The following TMEM26 variants were observed in gnomAD, a reference collection of about 807,000 sequenced individuals.
The protein encoded by TMEM26 is transmembrane protein 26.
Under a neutral mutation model 28.8 loss-of-function variants are expected in TMEM26, and 38 were observed. The observed-to-expected ratio is 1.32, with a 90% CI of 1.02 to 1.73. The LOEUF is 1.73. Ranked by LOEUF, TMEM26 falls within the 40% of genes most tolerant of loss-of-function variation. The pLI, the probability that TMEM26 is intolerant of heterozygous loss-of-function variation, is 0.00. For missense variants in TMEM26, 518 were observed against 447.1 expected (o/e 1.16, Z -1.43); for synonymous variants, 227 against 182.9 (o/e 1.24, Z -1.95).
At chr10:61,414,052 T>C in intron 4 of TMEM26, 1 of 987,054 alleles carries the variant, frequency 1.0e-6, no homozygotes, top group Non-Finnish European at 1.2e-6. Flanking sequence ...AACAAAGATT[T>C]ATACCAGATA....
intron 1 of TMEM26, among the ~76,000 whole-genome samples, chr10:61,451,626 A>C (rs1231110579): frequency 6.6e-6 from 1 of 152,188 alleles, no homozygotes; most frequent in Non-Finnish European, 1.5e-5. Flanking sequence ...AAAGTACCTC[A>C]AATGTCTCAC....
At chr10:61,411,282 A>AG (rs1282502939) in intron 5 of TMEM26, among the ~76,000 whole-genome samples, 22 of 152,166 alleles carry the variant, frequency 1.4e-4, no homozygotes, top group African/African-American at 4.8e-4. Context: ...CAGTGAGGAG[A>AG]GGGGTCCCTA....
At chr10:61,446,449 G>A (rs1840181710) in intron 1 of TMEM26, among the ~76,000 whole-genome samples, 1 of 152,014 alleles carries the variant, frequency 6.6e-6, no homozygotes, top group Admixed American at 6.6e-5. Flanking sequence ...AAAACTTTTG[G>A]TTTCCTAGTC....
At chr10:61,422,033 T>A (rs1013598792) in intron 4 of TMEM26, among the ~76,000 whole-genome samples, 3 of 152,050 alleles carry the variant, frequency 2.0e-5, no homozygotes, top group Admixed American at 6.6e-5. Flanking sequence ...GGAGACAAAA[T>A]TGACTTTCAG....
chr10:61,450,810 C>T (rs1840265553), intron 1 of TMEM26, among the ~76,000 whole-genome samples: 1 of 151,992 alleles, frequency 6.6e-6, no homozygotes, highest in Non-Finnish European at 1.5e-5. Context: ...GGTTTATTGG[C>T]TAGTCACTCA....
chr10:61,418,311 C>A (rs769472783), intron 4 of TMEM26, among the ~76,000 whole-genome samples: 11 of 151,874 alleles, frequency 7.2e-5, no homozygotes, highest in Non-Finnish European at 1.3e-4. Context: ...AGGATCCTAC[C>A]CTCTCACAGA....
intron 4 of TMEM26, chr10:61,414,340 T>C (rs1267602819): frequency 6.6e-6 from 1 of 152,194 alleles, no homozygotes; most frequent in Non-Finnish European, 1.5e-5. Context: ...AATTTGAGCT[T>C]GGTAGCATAA....
At chr10:61,451,993 A>ATG (rs1439770216) in intron 1 of TMEM26, among the ~76,000 whole-genome samples, 1 of 150,994 alleles carries the variant, frequency 6.6e-6, no homozygotes, top group Non-Finnish European at 1.5e-5. Context: ...ATTGATATAT[A>ATG]TATATATATA....
chr10:61,431,098 A>T (rs905560934), intron 3 of TMEM26, 121 bp downstream of exon 3: 2 of 753,876 alleles, frequency 2.7e-6, no homozygotes. Context: ...TTCCTAAGCC[A>T]AACAATGGAT....
intron 4 of TMEM26, among the ~76,000 whole-genome samples, chr10:61,417,218 C>T (rs2135291559): frequency 6.6e-6 from 1 of 152,018 alleles, no homozygotes; most frequent in South Asian, 2.1e-4. Flanking sequence ...AGCATGTAAG[C>T]AGACAATGAC....
intron 4 of TMEM26, among the ~76,000 whole-genome samples, chr10:61,421,738 T>C (rs1839751690): frequency 6.6e-6 from 1 of 152,122 alleles, no homozygotes. Flanking sequence ...GGAACCAGCA[T>C]CTTGGTTTTG....
chr10:61,422,219 A>C (rs954463612), intron 4 of TMEM26, among the ~76,000 whole-genome samples: 3 of 152,132 alleles, frequency 2.0e-5, no homozygotes, highest in Admixed American at 6.6e-5. Context: ...GAAAGATTTC[A>C]GTGTTCTACT....
At chr10:61,434,456 A>G (rs1839971204) in intron 2 of TMEM26, among the ~76,000 whole-genome samples, 1 of 152,220 alleles carries the variant, frequency 6.6e-6, no homozygotes, top group African/African-American at 2.4e-5. Flanking sequence ...TATGACAGCC[A>G]TGTCATAGAA....
At position 61,452,934 on chromosome 10, in the gene TMEM26, T is replaced by C. The variant is rs1217299562; in HGVS notation, c.148A>G (p.Thr50Ala). The change falls in exon 1 of 6, where the codon ACT (threonine) becomes GCT (alanine). Residue 50 changes from threonine (T) to alanine (A), a missense_variant. Thr to Ala is a moderately conservative substitution (Grantham distance 58). Coordinates refer to ENST00000399298, the MANE Select transcript of TMEM26 (RefSeq NM_178505.8). Reference protein sequence around the residue: ...ALLNLLLFLETALTLKFKRGR... With the variant: ...ALLNLLLFLEAALTLKFKRGR... ...CGCTTGAACTTGAGGGTGAGCGCAG[T>C]CTCCAGGAAGAGCAAGAGGTTGAGC... 6.2e-7 allele frequency: 1 copy of C among 1,613,860 alleles called. No individual in the cohort carries two copies. Among genetic ancestry groups the C allele is most frequent in the Non-Finnish European group, 8.5e-7 (1 of 1,179,922 alleles).
At chr10:61,424,394 G>A (rs1839796987) in intron 4 of TMEM26, among the ~76,000 whole-genome samples, 1 of 152,102 alleles carries the variant, frequency 6.6e-6, no homozygotes, top group South Asian at 2.1e-4. Context: ...AAACATTGCT[G>A]AGAGAAATTA....
intron 2 of TMEM26, among the ~76,000 whole-genome samples, chr10:61,432,638 A>G (rs1236293531): frequency 6.8e-6 from 1 of 147,040 alleles, no homozygotes; most frequent in Non-Finnish European, 1.5e-5. Flanking sequence ...ATTTGTATTT[A>G]GAGAGGACTT....
intron 5 of TMEM26, among the ~76,000 whole-genome samples, chr10:61,412,577 A>T (rs897947711): frequency 6.6e-6 from 1 of 152,182 alleles, no homozygotes; most frequent in East Asian, 1.9e-4. Context: ...AGTGACATCC[A>T]GGAGAATTCT....
intron 4 of TMEM26, chr10:61,416,121 A>G (rs1839647962): frequency 4.4e-6 from 2 of 450,050 alleles, no homozygotes; most frequent in South Asian, 3.2e-5. Flanking sequence ...TTTCCAACAG[A>G]GCCTGCAGAA....
At chr10:61,446,562 T>G (rs1840183960) in intron 1 of TMEM26, among the ~76,000 whole-genome samples, 2 of 152,046 alleles carry the variant, frequency 1.3e-5, no homozygotes, top group Non-Finnish European at 2.9e-5. Context: ...GGCTCACGCC[T>G]GTAATCCCAG....
Sources: allele counts gnomAD v4.1 joint callset (sites outside exome capture counted in the v4.1 genomes callset), GRCh38; gene constraint gnomAD v4.1.1; transcripts MANE v1.5; gene names NCBI Gene and HGNC (gene_info 2026-07-23, HGNC 2026-07-21).